PCDH15: variants seen among roughly 807,000 people sequenced by gnomAD.
PCDH15 encodes the protein protocadherin-15.
PCDH15 carries 129 observed loss-of-function variants against 178.5 expected under a neutral mutation model. The ratio of observed to expected loss-of-function variants is 0.72; its 90% confidence interval spans 0.63 to 0.84. PCDH15 has a LOEUF of 0.84. Among genes scored for constraint, PCDH15 ranks in the 40% least tolerant of loss-of-function variants. The pLI, the probability that PCDH15 is intolerant of heterozygous loss-of-function variation, is 0.00. For synonymous variants in PCDH15, 800 were observed against 732.0 expected, an observed-to-expected ratio of 1.09 and a Z score of -1.50; for missense variants, 2,230 against 2,099.9, an observed-to-expected ratio of 1.06 and a Z score of -1.21.
chr10:53,851,645 A>G (rs983600786), intron 28 of PCDH15, among the ~76,000 whole-genome samples: 3 of 141,716 alleles, frequency 2.1e-5, no homozygotes, highest in South Asian at 2.2e-4. Context: ...ATGCTTCCCG[A>G]GAGACCTTCT....
chr10:54,139,506 T>C (rs1236316134), intron 14 of PCDH15, among the ~76,000 whole-genome samples: 5 of 152,138 alleles, frequency 3.3e-5, no homozygotes, highest in Non-Finnish European at 5.9e-5. Flanking sequence ...TCATTTCCAA[T>C]TAAGAAAAAG....
At chr10:54,997,960 G>A (rs975742909) in intron 2 of PCDH15, among the ~76,000 whole-genome samples, 2 of 152,138 alleles carry the variant, frequency 1.3e-5, no homozygotes, top group Non-Finnish European at 2.9e-5. Context: ...ATTGTAGAAT[G>A]TTCTCATCTA....
intron 3 of PCDH15, among the ~76,000 whole-genome samples, chr10:54,409,310 C>T (rs10763108): frequency 0.79 from 120,122 of 151,568 alleles, 48,364 homozygotes; most frequent in East Asian, 0.97. Flanking sequence ...TCATTCCTGG[C>T]AGGTCAAAAC....
chr10:54,169,741 G>A (rs376293175), intron 13 of PCDH15, among the ~76,000 whole-genome samples: 1,709 of 151,026 alleles, frequency 0.011, 25 homozygotes, highest in African/African-American at 0.039. Context: ...ACTCAACGCC[G>A]ACATCCCATC....
chr10:54,856,423 A>G (rs1055379764), intron 3 of PCDH15, among the ~76,000 whole-genome samples: 1 of 152,226 alleles, frequency 6.6e-6, no homozygotes. Flanking sequence ...TGTAGAATGT[A>G]ATCAAAGACT....
chr10:54,145,439 C>A (rs575356844), intron 14 of PCDH15, among the ~76,000 whole-genome samples: 1 of 151,936 alleles, frequency 6.6e-6, no homozygotes, highest in Non-Finnish European at 1.5e-5. Flanking sequence ...TGTCTTCTAC[C>A]AATATTGTGC....
rs746479674 is a variant in PCDH15 at position 53,821,895 on chromosome 10, G to T, written c.4368-1665C>A. On this transcript the variant is annotated intron_variant, in intron 32 of 37. Transcript: ENST00000644397. ...AGATTGACTGTGAGATTGTTTTTCA[G>T]TTCCCTCGACAATATTGTTCAAACT... 3 of 1,613,530 alleles carry T rather than the reference G, an allele frequency of 1.9e-6. No individual in the cohort carries two copies. The highest frequency in any genetic ancestry group is 1.7e-5 in the Admixed American group (1 of 59,986).
intron 2 of PCDH15, among the ~76,000 whole-genome samples, chr10:55,085,117 T>A (rs1842135152): frequency 6.6e-6 from 1 of 151,966 alleles, no homozygotes; most frequent in African/African-American, 2.4e-5. Context: ...CAAAGAGATA[T>A]CTGTACTCCC....
chr10:53,971,133 A>G (rs1193220024), intron 21 of PCDH15, among the ~76,000 whole-genome samples: 1 of 152,216 alleles, frequency 6.6e-6, no homozygotes, highest in Non-Finnish European at 1.5e-5. Context: ...CTGGTTCAAC[A>G]TACGCAAATC....
At chr10:55,552,554 C>T (rs1295839230) in intron 2 of PCDH15, among the ~76,000 whole-genome samples, 1 of 151,278 alleles carries the variant, frequency 6.6e-6, no homozygotes, top group African/African-American at 2.4e-5. Context: ...GTTCCCAAAT[C>T]AAAAGCTAAG....
In PCDH15 at chr10:55,356,309, C is replaced by T. The variant is rs115166673; in HGVS notation, c.-155-189658G>A. Among the ~76,000 whole-genome samples, 850 of 150,070 alleles carry T rather than the reference C, an allele frequency of 5.7e-3. 10 individuals are homozygous for T. The highest frequency in any genetic ancestry group is 0.02 in the African/African-American group (811 of 41,040). The stretch of plus-strand genomic sequence containing the variant: ...GAAAGGAGAGTGGCAAGGAAGAACA[C>T]AAAGAAAAAAAGGAGAAGAGGAAAA... On this transcript the variant is annotated intron_variant, in intron 2 of 5. Coordinates refer to the PCDH15 transcript ENST00000613346.
At chr10:54,166,311 G>T (rs971110451) in intron 13 of PCDH15, among the ~76,000 whole-genome samples, 1 of 152,154 alleles carries the variant, frequency 6.6e-6, no homozygotes, top group Non-Finnish European at 1.5e-5. Context: ...TGTGAAGAAG[G>T]ATTATTTCTT....
At chr10:54,483,734 G>T (rs1188476643) in intron 3 of PCDH15, among the ~76,000 whole-genome samples, 1 of 151,448 alleles carries the variant, frequency 6.6e-6, no homozygotes, top group Admixed American at 6.6e-5. Context: ...TCTTTTGAAA[G>T]GTACCCTTTT....
chr10:55,514,259 C>T (rs1228996036), intron 2 of PCDH15, among the ~76,000 whole-genome samples: 1 of 152,136 alleles, frequency 6.6e-6, no homozygotes, highest in African/African-American at 2.4e-5. Context: ...AAGATTGAAG[C>T]GTGCATTTTT....
chr10:54,757,563 G>A (rs1947317024), intron 1 of PCDH15, among the ~76,000 whole-genome samples: 1 of 32,254 alleles, frequency 3.1e-5, no homozygotes, highest in Admixed American at 2.2e-4. Flanking sequence ...TTACAGGCGT[G>A]AGCCACCGCG....
At chr10:54,386,719 C>A (rs1394426728) in intron 3 of PCDH15, among the ~76,000 whole-genome samples, 1 of 152,078 alleles carries the variant, frequency 6.6e-6, no homozygotes, top group Non-Finnish European at 1.5e-5. Flanking sequence ...AGATGGTGAA[C>A]ATCACTAATC....
intron 5 of PCDH15, among the ~76,000 whole-genome samples, chr10:54,357,448 A>C (rs1945206911): frequency 6.6e-6 from 1 of 152,146 alleles, no homozygotes; most frequent in Admixed American, 6.6e-5. Context: ...TAGGAATCCA[A>C]CTTACAAGGG....
intron 2 of PCDH15, among the ~76,000 whole-genome samples, chr10:55,097,939 C>T (rs955262351): frequency 6.6e-6 from 1 of 152,004 alleles, no homozygotes; most frequent in Non-Finnish European, 1.5e-5. Context: ...GATTTCAGCA[C>T]TCAACACTAC....
At chr10:54,912,021 T>G (rs1954827783) in intron 2 of PCDH15, among the ~76,000 whole-genome samples, 1 of 152,132 alleles carries the variant, frequency 6.6e-6, no homozygotes, top group South Asian at 2.1e-4. Context: ...TTTCTATTGG[T>G]GTAGATATGG....
Sources: allele counts gnomAD v4.1 joint callset (sites outside exome capture counted in the v4.1 genomes callset), GRCh38; gene constraint gnomAD v4.1.1; transcripts MANE v1.5; gene names NCBI Gene and HGNC (gene_info 2026-07-23, HGNC 2026-07-21).